RALYL: variants seen among roughly 807,000 people sequenced by gnomAD.
RALYL encodes the protein RALY RNA binding protein like, also known as RNA-binding Raly-like protein.
In RALYL, 29 loss-of-function variants were observed where a neutral mutation model predicts 35.1. The ratio of observed to expected loss-of-function variants is 0.83; its 90% CI spans 0.61 to 1.13. The LOEUF is 1.13. Among genes scored for constraint, RALYL ranks in the 50% most tolerant of loss-of-function variants. The probability of loss-of-function intolerance (pLI) is 0.00; values close to 1 mark genes in which losing one functional copy is unlikely to be tolerated. For missense variants in RALYL, 359 were observed against 360.4 expected, an observed-to-expected ratio of 1.00 and a Z score of 0.03; for synonymous variants, 120 against 127.6, an observed-to-expected ratio of 0.94 and a Z score of 0.40.
intron 1 of RALYL, among the ~76,000 whole-genome samples, chr8:84,502,829 T>C (rs926662127): frequency 7.2e-5 from 11 of 152,078 alleles, no homozygotes; most frequent in African/African-American, 2.6e-4. Flanking sequence ...TAAATTTTGC[T>C]GTATAGACAT....
intron 1 of RALYL, among the ~76,000 whole-genome samples, chr8:84,409,311 A>G (rs886960788): frequency 6.6e-6 from 1 of 152,076 alleles, no homozygotes; most frequent in Non-Finnish European, 1.5e-5. Flanking sequence ...ATAAATATTA[A>G]TAAGTGAAAA....
At chr8:84,466,407 G>A (rs1416416587) in intron 1 of RALYL, among the ~76,000 whole-genome samples, 7 of 148,346 alleles carry the variant, frequency 4.7e-5, no homozygotes, top group Non-Finnish European at 1.0e-4. Flanking sequence ...TAATCATGTG[G>A]TTTTTGTCTT....
intron 1 of RALYL, among the ~76,000 whole-genome samples, chr8:84,296,787 C>A (rs1401454831): frequency 1.3e-5 from 2 of 151,924 alleles, no homozygotes; most frequent in East Asian, 3.9e-4. Context: ...GAGTAGGAAG[C>A]ATCTGGTGGG....
intron 2 of RALYL, among the ~76,000 whole-genome samples, chr8:84,686,763 G>A (rs1413874584): frequency 3.9e-5 from 6 of 151,956 alleles, no homozygotes; most frequent in African/African-American, 1.2e-4. Context: ...CATAAGTGTT[G>A]TAATTCACTT....
intron 1 of RALYL, among the ~76,000 whole-genome samples, chr8:84,316,615 C>T (rs760487606): frequency 6.6e-6 from 1 of 152,052 alleles, no homozygotes; most frequent in African/African-American, 2.4e-5. Flanking sequence ...GTTTTCCTGG[C>T]AGATCTATTT....
chr8:84,632,873 GAGTA>G (rs1650277990), intron 2 of RALYL, among the ~76,000 whole-genome samples: 2 of 151,886 alleles, frequency 1.3e-5, no homozygotes, highest in East Asian at 1.9e-4. Flanking sequence ...CCATGGCCTT[GAGTA>G]AGTAACTGAC....
chr8:84,591,089 G>A (rs984795943), intron 2 of RALYL, among the ~76,000 whole-genome samples: 1 of 152,124 alleles, frequency 6.6e-6, no homozygotes, highest in African/African-American at 2.4e-5. Flanking sequence ...AGTGTATGGT[G>A]AAATTAATAC....
chr8:84,424,534 CCTT>C (rs1389617232), intron 1 of RALYL, among the ~76,000 whole-genome samples: 1 of 150,698 alleles, frequency 6.6e-6, no homozygotes, highest in Non-Finnish European at 1.5e-5. Context: ...TCGTCTGAAG[CCTT>C]CTTCTCTCAG....
intron 1 of RALYL, among the ~76,000 whole-genome samples, chr8:84,504,761 T>C (rs2057017949): frequency 6.6e-6 from 1 of 152,124 alleles, no homozygotes; most frequent in Non-Finnish European, 1.5e-5. Context: ...TTATGGAGTG[T>C]TGAGACACAC....
chr8:84,328,757 T>TCTCC (rs576875199), intron 1 of RALYL, among the ~76,000 whole-genome samples: 72 of 152,136 alleles, frequency 4.7e-4, no homozygotes, highest in Non-Finnish European at 8.8e-4. Context: ...TGTCCACCTC[T>TCTCC]CTCCCTCCCC....
intron 1 of RALYL, among the ~76,000 whole-genome samples, chr8:84,397,079 C>G (rs1367071284): frequency 1.3e-5 from 2 of 152,062 alleles, no homozygotes; most frequent in Non-Finnish European, 2.9e-5. Context: ...TAGTAAGAGG[C>G]AAGCCAGAGG....
chr8:84,762,019 G>A (rs1812827891), intron 2 of RALYL, among the ~76,000 whole-genome samples: 1 of 151,996 alleles, frequency 6.6e-6, no homozygotes, highest in Non-Finnish European at 1.5e-5. Context: ...GAGAGAGCAG[G>A]CCAGGGGAGA....
intron 1 of RALYL, among the ~76,000 whole-genome samples, chr8:84,485,729 AT>A (rs1442511894): frequency 6.6e-6 from 1 of 152,158 alleles, no homozygotes; most frequent in Non-Finnish European, 1.5e-5. Context: ...CTCATCCAAG[AT>A]TCAAAATCTT....
intron 2 of RALYL, among the ~76,000 whole-genome samples, chr8:84,700,414 A>C (rs1167894565): frequency 1.3e-5 from 2 of 152,250 alleles, no homozygotes; most frequent in East Asian, 3.9e-4. Context: ...AATAAAACCC[A>C]ATTATAGTTT....
At chr8:84,666,020 T>G (rs1026419350) in intron 2 of RALYL, among the ~76,000 whole-genome samples, 3 of 152,038 alleles carry the variant, frequency 2.0e-5, no homozygotes, top group Non-Finnish European at 4.4e-5. Flanking sequence ...TATAGATTGG[T>G]CTTATCACAT....
intron 1 of RALYL, among the ~76,000 whole-genome samples, chr8:84,366,040 A>G (rs531878424): frequency 6.6e-6 from 1 of 152,278 alleles, no homozygotes; most frequent in South Asian, 2.1e-4. Context: ...CTCTAGATTC[A>G]TGGTCCCAGA....
rs540957981 is a variant in RALYL, at chr8:84,675,414, A to G, written c.257-99165A>G. Among the ~76,000 whole-genome samples, 4 of 152,278 alleles carry G rather than the reference A, an allele frequency of 2.6e-5. No homozygotes were observed. In the East Asian group the frequency reaches 5.8e-4, roughly 22 times the overall value. On this transcript the variant is annotated intron_variant, in intron 2 of 8. Coordinates refer to ENST00000521268, the MANE Select transcript of RALYL (RefSeq NM_173848.7). ...AATAGAGGCTTACAAATGGCTCCTT[A>G]AATAGGAGATAGGCGAACTGAATGG...
At chr8:84,332,070 C>G (rs919633558) in intron 1 of RALYL, among the ~76,000 whole-genome samples, 1 of 152,134 alleles carries the variant, frequency 6.6e-6, no homozygotes, top group Admixed American at 6.6e-5. Flanking sequence ...AATTTTTTCT[C>G]TGCCTTTCAC....
At chr8:84,375,260 A>G (rs917893084) in intron 1 of RALYL, among the ~76,000 whole-genome samples, 2 of 151,852 alleles carry the variant, frequency 1.3e-5, no homozygotes, top group African/African-American at 2.4e-5. Flanking sequence ...GCCATTCAGT[A>G]TCTTGACTGC....
Sources: gnomAD v4.1 joint callset for allele counts (sites outside exome capture counted in the v4.1 genomes callset) on GRCh38, gnomAD v4.1.1 for gene constraint, MANE v1.5 for transcripts, NCBI Gene and HGNC (gene_info 2026-07-23, HGNC 2026-07-21) for gene names.